The following GAPDH variants were observed in gnomAD, a reference collection of about 807,000 sequenced individuals.
GAPDH encodes the protein OCAS, p38 component.
A neutral mutation model predicts 31.2 loss-of-function variants in GAPDH; 13 were observed. The observed-to-expected ratio is 0.42, with a 90% CI of 0.27 to 0.66. GAPDH has a LOEUF of 0.66. Among genes scored for constraint, GAPDH ranks in the 30% least tolerant of loss-of-function variants. The pLI, the probability that GAPDH is intolerant of heterozygous loss-of-function variation, is 0.26. For missense variants in GAPDH, 300 were observed against 443.7 expected, an observed-to-expected ratio of 0.68 and a Z score of 2.91; for synonymous variants, 211 against 166.9, an observed-to-expected ratio of 1.26 and a Z score of -2.04.
chr12:6,538,051 C>T (rs769189757), intron 8 of GAPDH, 50 bp from the exon 9 acceptor site: 32 of 1,596,958 alleles, frequency 2.0e-5, no homozygotes, highest in East Asian at 1.5e-4. Context: ...CTGGCGCCCT[C>T]TGGTGGCTGG....
Position 6,537,180 on chromosome 12 carries a change from A to G in GAPDH, c.407A>G (p.Asn136Ser). The change falls in exon 6 of 9, where the codon AAC (asparagine) becomes AGC (serine). Residue 136 changes from asparagine (N) to serine (S), a missense_variant. Coordinates refer to ENST00000229239, the MANE Select transcript of GAPDH (RefSeq NM_002046.7). The surrounding 1 kb of genome is among the most constrained non-coding windows in gnomAD (Gnocchi z 4.9). ...GCCCCCATGTTCGTCATGGGTGTGA[A>G]CCATGAGAAGTATGACAACAGCCTC... ...ADAPMFVMGV[N>S]HEKYDNSLKI... The G allele has an allele frequency of 1.9e-6, 3 of 1,613,278 alleles. No homozygotes were observed. The highest frequency in any genetic ancestry group is 1.1e-5 in the South Asian group (1 of 91,082).
rs750074039 is a variant in GAPDH at position 6,534,789 on chromosome 12, C to T, written c.-23-21C>T. 6.8e-6 allele frequency: 11 copies of T among 1,610,236 alleles called. No homozygotes were observed. In the Admixed American group the frequency reaches 1.8e-4, roughly 27 times the overall value. On this transcript the variant is annotated intron_variant, in intron 1 of 8. Coordinates refer to ENST00000229239, the MANE Select transcript of GAPDH (RefSeq NM_002046.7). ...GTCGGCCGGGGCCACTAGGCGCTCA[C>T]TGTTCTCTCCCTCCGCGCAGCCGAG...
At chr12:6,534,963 G>A (rs1946427902) in intron 2 of GAPDH, 102 bp downstream of exon 2, 12 of 1,299,948 alleles carry the variant, frequency 9.2e-6, no homozygotes, top group East Asian at 2.4e-5. Context: ...TGGGGGCAGG[G>A]TAGCTGTTCC....
At chr12:6,536,215 C>T (rs1380925497) in intron 2 of GAPDH, among the ~76,000 whole-genome samples, 1 of 152,198 alleles carries the variant, frequency 6.6e-6, no homozygotes, top group African/African-American at 2.4e-5. Context: ...AAAGCTTGTG[C>T]CCAGACTGTG....
rs932498163 is a variant in GAPDH, at chr12:6,534,538, A to G, written c.-55A>G. ...CTTCGCTCTCTGCTCCTCCTGTTCG[A>G]CAGTCAGCCGCATCTTCTTTTGCGT... On this transcript the variant is annotated 5_prime_UTR_variant, in exon 1 of 9. Transcript: ENST00000229239. 1.2e-5 allele frequency: 6 copies of G among 493,090 alleles called. No individual in the cohort carries two copies. Among genetic ancestry groups the G allele is most frequent in the Admixed American group, 1.1e-4 (3 of 28,136 alleles). 30.5% of individuals were successfully genotyped at this position (493,090 alleles called of 1,614,324 possible).
rs1306702371 is a variant in GAPDH at position 6,538,181 on chromosome 12, C to T, written c.*11C>T. The T allele has an allele frequency of 1.5e-5, 24 of 1,601,314 alleles. No individual in the cohort carries two copies. Among genetic ancestry groups the T allele is most frequent in the Non-Finnish European group, 1.9e-5 (22 of 1,176,596 alleles). On this transcript the variant is annotated 3_prime_UTR_variant, in exon 9 of 9. Coordinates refer to ENST00000229239, the MANE Select transcript of GAPDH (RefSeq NM_002046.7). ...GCCTCCAAGGAGTAAGACCCCTGGA[C>T]CACCAGCCCCAGCAAGAGCACAAGA... is the stretch of plus-strand genomic sequence containing the variant.
In GAPDH at chr12:6,537,276, C is replaced by G. The variant is rs1472169630; in HGVS notation, c.444-33C>G. 6.2e-7 allele frequency: 1 copy of G among 1,600,080 alleles called. No homozygotes were observed. The highest frequency in any genetic ancestry group is 1.8e-5 in the Admixed American group (1 of 56,176). On this transcript the variant is annotated intron_variant, in intron 6 of 8. Coordinates refer to ENST00000229239, the MANE Select transcript of GAPDH (RefSeq NM_002046.7). The surrounding 1 kb of genome is among the most constrained non-coding windows in gnomAD (Gnocchi z 4.9). ...CCTGGCACCCTATGGACACGCTCCCCTGACTTGCGCCCCGCTCCCTCTTTC... is the reference window on the plus strand; with the variant it reads ...CCTGGCACCCTATGGACACGCTCCCGTGACTTGCGCCCCGCTCCCTCTTTC...
Position 6,538,290 on chromosome 12 carries a change from A to G in GAPDH, c.*120A>G, listed in dbSNP as rs1029806910. 2.5e-6 allele frequency: 2 copies of G among 812,114 alleles called. No individual in the cohort carries two copies. Among genetic ancestry groups the G allele is most frequent in the Non-Finnish European group, 2.0e-6 (1 of 491,048 alleles). 50.3% of individuals were successfully genotyped at this position (812,114 alleles called of 1,614,324 possible). A position where few individuals can be genotyped will look rare whatever the true frequency, so the allele number is the denominator to read the frequency against. On this transcript the variant is annotated 3_prime_UTR_variant, in exon 9 of 9. Transcript: ENST00000229239. The stretch of plus-strand genomic sequence containing the variant: ...TGAATCTCCCCTCCTCACAGTTGCC[A>G]TGTAGACCCCTTGAAGAGGGGAGGG...
rs1031740009 is a variant in GAPDH, at chr12:6,535,149, G to A, written c.29+288G>A. On this transcript the variant is annotated intron_variant, in intron 2 of 8. Transcript: ENST00000229239. Reference sequence around the variant, plus strand: ...GATCCCGACCCGGACCCCTAGGTGGGGGACGCTTTCTTTCCTTTCGCGCTC... The same window carrying A: ...GATCCCGACCCGGACCCCTAGGTGGAGGACGCTTTCTTTCCTTTCGCGCTC... The A allele has an allele frequency of 1.2e-5, 12 of 1,029,098 alleles. No individual in the cohort carries two copies. In the African/African-American group the frequency reaches 1.2e-4, roughly 10 times the overall value. 63.7% of individuals were successfully genotyped at this position (1,029,098 alleles called of 1,614,324 possible).
Position 6,534,799 on chromosome 12 carries a change from C to T in GAPDH, c.-23-11C>T, listed in dbSNP as rs990783964. ...GCCACTAGGCGCTCACTGTTCTCTC[C>T]CTCCGCGCAGCCGAGCCACATCGCT... On this transcript the variant is annotated splice_polypyrimidine_tract_variant and intron_variant, in intron 1 of 8. Transcript: ENST00000229239. 26 of 1,610,870 alleles carry T rather than the reference C, an allele frequency of 1.6e-5. No individual in the cohort carries two copies. The highest frequency in any genetic ancestry group is 3.3e-5 in the South Asian group (3 of 90,350).
rs1803623 is a variant in GAPDH at position 6,537,865 on chromosome 12, C to T, written c.807C>T (p.Pro269=). The stretch of plus-strand genomic sequence containing the variant: ...TGGTGAAGCAGGCGTCGGAGGGCCC[C>T]CTCAAGGGCATCCTGGGCTACACTG... ...KKVVKQASEG[P]LKGILGYTEH... is the part of the protein sequence containing the mutation. Residue 269 remains proline (P), a synonymous_variant, in exon 8 of 9, where the codon CCC becomes CCT. Coordinates refer to ENST00000229239, the MANE Select transcript of GAPDH (RefSeq NM_002046.7). This position sits in a 1 kb window ranked among gnomAD's most constrained non-coding sequence, Gnocchi z 4.9. The T allele has an allele frequency of 6.2e-7, 1 of 1,613,126 alleles. No homozygotes were observed. The highest frequency in any genetic ancestry group is 8.5e-7 in the Non-Finnish European group (1 of 1,180,020).
At chr12:6,536,415 A>G in intron 2 of GAPDH, 79 bp from the exon 3 acceptor site, 6 of 1,016,140 alleles carry the variant, frequency 5.9e-6, no homozygotes, top group South Asian at 2.6e-5. Context: ...CGCCCTCTTA[A>G]TGGGGAGGTG....
rs142283743 is a variant in GAPDH at position 6,536,587 on chromosome 12, C to T, written c.123C>T (p.Asn41=). The T allele has an allele frequency of 1.3e-5, 21 of 1,613,152 alleles. No individual in the cohort carries two copies. In the South Asian group the frequency reaches 2.2e-4, roughly 17 times the overall value. The change falls in exon 3 of 9, where the codon AAC becomes AAT. Residue 41 remains asparagine (N), a synonymous_variant. Coordinates refer to ENST00000229239, the MANE Select transcript of GAPDH (RefSeq NM_002046.7). ...VAINDPFIDL[N]YMVYMFQYDS... ...TCAATGACCCCTTCATTGACCTCAA[C>T]TACATGGTGAGTGCTACATGGTGAG...
In GAPDH at chr12:6,537,539, G is replaced by A. The variant is rs1946505153; in HGVS notation, c.526-45G>A. The A allele has an allele frequency of 6.3e-7, 1 of 1,593,288 alleles. No homozygotes were observed. The highest frequency in any genetic ancestry group is 1.1e-5 in the South Asian group (1 of 88,002). The stretch of plus-strand genomic sequence containing the variant: ...CTTTCAAGGTGGGGAGGGAGGTAGA[G>A]GGGTGATGTGGGGAGTACGCTGCAG... On this transcript the variant is annotated intron_variant, in intron 7 of 8. Coordinates refer to ENST00000229239, the MANE Select transcript of GAPDH (RefSeq NM_002046.7). This position sits in a 1 kb window ranked among gnomAD's most constrained non-coding sequence, Gnocchi z 4.9.
chr12:6,535,521 G>A lies in GAPDH; in HGVS notation c.29+660G>A, dbSNP rs999053280. 5.6e-6 allele frequency: 5 copies of A among 887,006 alleles called. No homozygotes were observed. The African/African-American group carries it at 7.2e-5, about 13-fold the overall frequency. 54.9% of individuals were successfully genotyped at this position (887,006 alleles called of 1,614,324 possible). A position where few individuals can be genotyped will look rare whatever the true frequency, so the allele number is the denominator to read the frequency against. ...GGTCCTCTTGTGTCCCCTCCCCGCA[G>A]AGGTGTGGTGGCTGTGGCATGGTGC... On this transcript the variant is annotated intron_variant, in intron 2 of 8. Transcript: ENST00000229239.
intron 2 of GAPDH, 67 bp downstream of exon 2, chr12:6,534,928 C>T (rs999777832): frequency 1.9e-5 from 29 of 1,546,660 alleles, no homozygotes; most frequent in Non-Finnish European, 2.5e-5. Context: ...ACGAGCCTTG[C>T]GGGCTCCGGG....
Position 6,535,455 on chromosome 12 carries a change from C to T in GAPDH, c.29+594C>T, listed in dbSNP as rs555864342. On this transcript the variant is annotated intron_variant, in intron 2 of 8. Transcript: ENST00000229239. ...ATTTCTCCTCCGGGTGATGCTTTTC[C>T]TAGATTATTCTCTGGTAAATCAAAG... 4 of 987,122 alleles carry T rather than the reference C, an allele frequency of 4.1e-6. No individual in the cohort carries two copies. In the South Asian group the frequency reaches 1.4e-4, roughly 34 times the overall value. The allele number at this position is 987,122 out of a possible 1,614,324, so 61.1% of individuals were successfully genotyped here.
chr12:6,535,046 C>T, intron 2 of GAPDH, 185 bp downstream of exon 2: 21 of 808,330 alleles, frequency 2.6e-5, no homozygotes, highest in Non-Finnish European at 3.7e-5. Context: ...CCCTGTGCAG[C>T]TCCGCCCTTG....
intron 2 of GAPDH, chr12:6,535,522 AGGTGTG>A (rs1946444477): frequency 1.1e-6 from 1 of 883,834 alleles, no homozygotes; most frequent in Admixed American, 6.2e-5. Context: ...CTCCCCGCAG[AGGTGTG>A]GTGGCTGTGG....
Sources: allele counts gnomAD v4.1 joint callset (sites outside exome capture counted in the v4.1 genomes callset), GRCh38; gene constraint gnomAD v4.1.1; non-coding constraint Gnocchi (gnomAD v3.1); transcripts MANE v1.5; gene names NCBI Gene and HGNC (gene_info 2026-07-23, HGNC 2026-07-21).